ZNF385D: variants seen among roughly 807,000 people sequenced by gnomAD.
ZNF385D encodes zinc finger protein 659.
In ZNF385D, 15 loss-of-function variants were observed where a neutral mutation model predicts 35.8. The observed-to-expected ratio is 0.42, with a 90% confidence interval of 0.28 to 0.64. ZNF385D has a LOEUF of 0.64. Ranked by LOEUF, ZNF385D falls within the 30% of genes least tolerant of loss-of-function variation. The probability of loss-of-function intolerance (pLI) is 0.23; values close to 1 mark genes in which losing one functional copy is unlikely to be tolerated. For synonymous variants in ZNF385D, 212 were observed against 186.8 expected (o/e 1.13, Z -1.10); for missense variants, 474 against 494.6 (o/e 0.96, Z 0.39).
chr3:22,047,336 T>A (rs971862883), intron 3 of ZNF385D, among the ~76,000 whole-genome samples: 5 of 152,096 alleles, frequency 3.3e-5, no homozygotes, highest in African/African-American at 1.2e-4. Flanking sequence ...GACCATGATG[T>A]ACAATAGATC....
intron 2 of ZNF385D, among the ~76,000 whole-genome samples, chr3:21,592,729 C>T (rs1480574905): frequency 6.6e-6 from 1 of 152,096 alleles, no homozygotes; most frequent in African/African-American, 2.4e-5. Flanking sequence ...GAATTTGAAT[C>T]CCAGCAACAG....
chr3:21,432,878 A>G (rs1187349533), intron 5 of ZNF385D, among the ~76,000 whole-genome samples: 1 of 152,118 alleles, frequency 6.6e-6, no homozygotes, highest in South Asian at 2.1e-4. Context: ...TGCAACTTCA[A>G]ATGGTTACAC....
intron 2 of ZNF385D, among the ~76,000 whole-genome samples, chr3:22,170,932 ATAAG>A: frequency 6.6e-6 from 1 of 152,306 alleles, no homozygotes; most frequent in East Asian, 1.9e-4. Flanking sequence ...TATTTTGTGT[ATAAG>A]TAAAAACCAA....
intron 3 of ZNF385D, among the ~76,000 whole-genome samples, chr3:22,069,231 T>C (rs1700114669): frequency 6.6e-6 from 1 of 152,190 alleles, no homozygotes; most frequent in African/African-American, 2.4e-5. Flanking sequence ...GAGATCACAG[T>C]GACTGGCTCA....
At chr3:22,278,124 A>T (rs1170412813) in intron 2 of ZNF385D, among the ~76,000 whole-genome samples, 1 of 152,086 alleles carries the variant, frequency 6.6e-6, no homozygotes, top group Admixed American at 6.6e-5. Flanking sequence ...AGAACAGAAC[A>T]TGTTTTATTC....
intron 3 of ZNF385D, among the ~76,000 whole-genome samples, chr3:22,152,209 A>C (rs1438140079): frequency 4.6e-5 from 7 of 152,142 alleles, no homozygotes; most frequent in Non-Finnish European, 2.9e-5. Flanking sequence ...GCTGCATAGT[A>C]ATTTAAACAA....
intron 7 of ZNF385D, 97 bp downstream of exon 7, chr3:21,423,866 T>G: frequency 8.9e-7 from 1 of 1,117,702 alleles, no homozygotes; most frequent in Non-Finnish European, 1.3e-6. Flanking sequence ...TAAAAGGTAC[T>G]GGGCTGTGGT....
intron 3 of ZNF385D, among the ~76,000 whole-genome samples, chr3:21,768,513 T>G (rs1046267087): frequency 6.6e-6 from 1 of 151,878 alleles, no homozygotes; most frequent in African/African-American, 2.4e-5. Context: ...GACAGTAAAG[T>G]GGAGGGAATT....
intron 2 of ZNF385D, among the ~76,000 whole-genome samples, chr3:22,319,761 A>G (rs932811705): frequency 6.6e-6 from 1 of 152,166 alleles, no homozygotes; most frequent in African/African-American, 2.4e-5. Flanking sequence ...AGGTCAAGAG[A>G]CCACAATAAG....
chr3:21,749,357 A>G lies in ZNF385D; in HGVS notation c.22+1538T>C, dbSNP rs540889130. On this transcript the variant is annotated intron_variant, in intron 1 of 7. Coordinates refer to ENST00000281523, the MANE Select transcript of ZNF385D (RefSeq NM_024697.3). ...ACCAGTACTTTTAGACTCTACTGCT[A>G]TTCTAATTGGCCCTACTTCCTCACG... 3.7e-4 allele frequency among the ~76,000 whole-genome samples: 57 copies of G among 152,284 alleles called. No individual in the cohort carries two copies. The South Asian group carries it at 0.011, about 29-fold the overall frequency.
At chr3:22,124,374 CT>C (rs1459937051) in intron 3 of ZNF385D, among the ~76,000 whole-genome samples, 2 of 152,112 alleles carry the variant, frequency 1.3e-5, no homozygotes, top group Non-Finnish European at 2.9e-5. Flanking sequence ...ATTATAAATA[CT>C]GCTGCAAAAA....
intron 2 of ZNF385D, among the ~76,000 whole-genome samples, chr3:22,366,155 C>A (rs993709342): frequency 3.3e-5 from 5 of 151,988 alleles, no homozygotes; most frequent in African/African-American, 1.2e-4. Context: ...TGTATATATT[C>A]TTTGGCATAG....
At chr3:22,078,985 C>G (rs1357975423) in intron 3 of ZNF385D, among the ~76,000 whole-genome samples, 1 of 151,628 alleles carries the variant, frequency 6.6e-6, no homozygotes, top group East Asian at 1.9e-4. Flanking sequence ...GTATGCTTAC[C>G]TTAATTTTGG....
chr3:21,612,689 A>G (rs968109784), intron 2 of ZNF385D, among the ~76,000 whole-genome samples: 3 of 152,230 alleles, frequency 2.0e-5, no homozygotes, highest in Admixed American at 6.5e-5. Context: ...TCAGAACTCA[A>G]AAGACATCTA....
chr3:21,595,625 CT>C (rs1235170907), intron 2 of ZNF385D, among the ~76,000 whole-genome samples: 2 of 151,986 alleles, frequency 1.3e-5, no homozygotes, highest in African/African-American at 4.8e-5. Flanking sequence ...ACTTAGTTTA[CT>C]ATTTTTTAAT....
intron 3 of ZNF385D, among the ~76,000 whole-genome samples, chr3:21,756,887 T>G (rs554910569): frequency 6.6e-6 from 1 of 152,264 alleles, no homozygotes; most frequent in South Asian, 2.1e-4. Flanking sequence ...GTGTAGTGTT[T>G]TAATCAGAAT....
At chr3:21,978,947 A>G (rs1191831026) in intron 3 of ZNF385D, among the ~76,000 whole-genome samples, 2 of 152,242 alleles carry the variant, frequency 1.3e-5, no homozygotes, top group African/African-American at 4.8e-5. Context: ...CTTCATATTA[A>G]TATCTAAAAT....
At chr3:21,697,858 C>T (rs1361132643) in intron 1 of ZNF385D, among the ~76,000 whole-genome samples, 1 of 152,066 alleles carries the variant, frequency 6.6e-6, no homozygotes, top group African/African-American at 2.4e-5. Flanking sequence ...TGCTCAATAC[C>T]ATTAATCATC....
At chr3:22,256,993 A>G (rs1700351069) in intron 2 of ZNF385D, among the ~76,000 whole-genome samples, 1 of 151,900 alleles carries the variant, frequency 6.6e-6, no homozygotes, top group Non-Finnish European at 1.5e-5. Flanking sequence ...CCAAGACCTC[A>G]GATGAATAAG....
Sources: gnomAD v4.1 joint callset for allele counts (sites outside exome capture counted in the v4.1 genomes callset) on GRCh38, gnomAD v4.1.1 for gene constraint, MANE v1.5 for transcripts, NCBI Gene and HGNC (gene_info 2026-07-23, HGNC 2026-07-21) for gene names.